Variants in SUN1 observed in about 807,000 individuals in gnomAD.
SUN1 encodes SUN domain-containing protein 1.
Under a neutral mutation model 103.2 loss-of-function variants are expected in SUN1, and 61 were observed. The ratio of observed to expected loss-of-function variants is 0.59; its 90% confidence interval spans 0.48 to 0.73. The LOEUF (loss-of-function observed/expected upper bound fraction) is 0.73. Among genes scored for constraint, SUN1 ranks in the 30% least tolerant of loss-of-function variants. The probability of loss-of-function intolerance (pLI) is 0.00; values close to 1 mark genes in which losing one functional copy is unlikely to be tolerated. For synonymous variants in SUN1, 490 were observed against 425.7 expected, an observed-to-expected ratio of 1.15 and a Z score of -1.86; for missense variants, 1,052 against 1,034.6, an observed-to-expected ratio of 1.02 and a Z score of -0.23.
intron 1 of SUN1, among the ~76,000 whole-genome samples, chr7:819,277 C>A (rs988000526): frequency 6.6e-6 from 1 of 151,784 alleles, no homozygotes; most frequent in African/African-American, 2.4e-5. Context: ...TACTTTCTCC[C>A]AGTCTTTGGA....
chr7:845,063 T>C (rs1422732025), intron 5 of SUN1, among the ~76,000 whole-genome samples: 1 of 152,218 alleles, frequency 6.6e-6, no homozygotes, highest in Non-Finnish European at 1.5e-5. Context: ...CCATACACTC[T>C]ACTATGGCAG....
In SUN1 at chr7:857,772, G is replaced by A. The variant is rs947233122; in HGVS notation, c.1395-56G>A. The A allele has an allele frequency of 6.8e-6, 10 of 1,479,466 alleles. No homozygotes were observed. In the East Asian group the frequency reaches 7.2e-5, roughly 11 times the overall value. The allele number at this position is 1,479,466 out of a possible 1,614,324, so 91.6% of individuals were successfully genotyped here. A position where few individuals can be genotyped will look rare whatever the true frequency, so the allele number is the denominator to read the frequency against. Reference sequence around the variant, plus strand: ...TTCCCCTCAGCCTGTGTGTAGTGTGGGAAGCGTATAGGCTGGGAGGCTTGT... The same window carrying A: ...TTCCCCTCAGCCTGTGTGTAGTGTGAGAAGCGTATAGGCTGGGAGGCTTGT... On this transcript the variant is annotated intron_variant, in intron 12 of 18. Coordinates refer to ENST00000401592, the MANE Select transcript of SUN1 (RefSeq NM_001130965.3).
rs536171212 is a variant in SUN1, at chr7:838,961, G to A, written c.241G>A (p.Val81Ile). The change falls in exon 2 of 19, where the codon GTC (valine) becomes ATC (isoleucine). Residue 81 changes from valine (V) to isoleucine (I), a missense_variant. Around this residue, in one of 2 missense-constraint regions of SUN1, gnomAD observed 846 missense variants for 774.5 expected, o/e 1.09. Coordinates refer to ENST00000401592, the MANE Select transcript of SUN1 (RefSeq NM_001130965.3). ...TGCCGACAGCGGCACCAGCAGCGCT[G>A]TCTCCCTGAAGAACCGAGCGGCCAG... Reference protein sequence around the residue: ...VGADSGTSSAVSLKNRAARTT... With the variant: ...VGADSGTSSAISLKNRAARTT... The A allele has an allele frequency of 3.1e-5, 50 of 1,602,204 alleles. No homozygotes were observed. The Admixed American group carries it at 5.0e-4, about 16-fold the overall frequency.
At chr7:867,564 G>C (rs556485730) in intron 16 of SUN1, among the ~76,000 whole-genome samples, 4 of 152,204 alleles carry the variant, frequency 2.6e-5, no homozygotes, top group Admixed American at 6.5e-5. Flanking sequence ...AGAGACTGAG[G>C]GAGAGGGTGG....
intron 1 of SUN1, among the ~76,000 whole-genome samples, chr7:818,230 G>C (rs1782696891): frequency 6.6e-6 from 1 of 152,188 alleles, no homozygotes; most frequent in African/African-American, 2.4e-5. Context: ...CGGCTAATCT[G>C]CTTTCTGTCT....
At chr7:861,955 C>G (rs1226083612) in intron 15 of SUN1, among the ~76,000 whole-genome samples, 1 of 152,226 alleles carries the variant, frequency 6.6e-6, no homozygotes, top group East Asian at 1.9e-4. Flanking sequence ...GGGCACAAGC[C>G]TAGGCCAGAC....
chr7:861,355 T>C, intron 14 of SUN1, 25 bp from the exon 15 acceptor site: 1 of 1,613,816 alleles, frequency 6.2e-7, no homozygotes, highest in Non-Finnish European at 8.5e-7. Context: ...TGGTGTTTGG[T>C]CTTCCGTCCC....
chr7:817,310 G>A (rs1220431469), intron 1 of SUN1: 1 of 988,592 alleles, frequency 1.0e-6, no homozygotes, highest in African/African-American at 1.6e-5. Context: ...GCCCAGGTCG[G>A]ACTCCTAGGC....
At chr7:851,681 G>A (rs554802070) in intron 6 of SUN1, 199 bp downstream of exon 6, 10 of 657,722 alleles carry the variant, frequency 1.5e-5, no homozygotes, top group Admixed American at 5.7e-5. Flanking sequence ...TTTCTCTGGG[G>A]TTGGGTCTGG....
chr7:825,119 C>T (rs1228807376), intron 1 of SUN1, among the ~76,000 whole-genome samples: 72 of 151,818 alleles, frequency 4.7e-4, no homozygotes, highest in Admixed American at 4.5e-3. Context: ...AGTGCAGTGG[C>T]ACGATCTCAG....
intron 13 of SUN1, among the ~76,000 whole-genome samples, chr7:858,481 G>C (rs748139957): frequency 6.6e-6 from 1 of 152,038 alleles, no homozygotes; most frequent in Non-Finnish European, 1.5e-5. Context: ...GCACCACTGT[G>C]CGTCAGCACC....
intron 1 of SUN1, among the ~76,000 whole-genome samples, chr7:836,492 A>C (rs772859017): frequency 1.3e-5 from 2 of 152,222 alleles, no homozygotes; most frequent in Non-Finnish European, 2.9e-5. Flanking sequence ...CAGAGGCCCA[A>C]GACCCAGGAG....
Position 873,594 on chromosome 7 carries a change from C to T in SUN1, c.*263C>T, listed in dbSNP as rs188199171. 555 of 394,608 alleles carry T rather than the reference C, an allele frequency of 1.4e-3. 3 individuals carry two copies. Among genetic ancestry groups the T allele is most frequent in the African/African-American group, 9.4e-3 (458 of 48,910 alleles). The allele number at this position is 394,608 out of a possible 1,614,324, so 24.4% of individuals were successfully genotyped here. On this transcript the variant is annotated 3_prime_UTR_variant, in exon 19 of 19. Transcript: ENST00000401592. ...GCTCTCAGACACTCCTTGTTTTTAA[C>T]GGGAAGCTCTTTGCATTTGCATTTC...
At chr7:871,038 G>T (rs56725418) in intron 17 of SUN1, among the ~76,000 whole-genome samples, 23,892 of 151,124 alleles carry the variant, frequency 0.16, 2,075 homozygotes, top group African/African-American at 0.18. Flanking sequence ...TTACAGGCGC[G>T]TGCCACCACG....
chr7:861,668 G>A (rs1251487498), intron 15 of SUN1, among the ~76,000 whole-genome samples: 2 of 152,222 alleles, frequency 1.3e-5, no homozygotes, highest in Non-Finnish European at 2.9e-5. Flanking sequence ...GTTCTCCCCT[G>A]GAAGGGCTGG....
intron 1 of SUN1, among the ~76,000 whole-genome samples, chr7:820,090 G>A (rs1008851786): frequency 1.3e-5 from 2 of 152,158 alleles, no homozygotes; most frequent in South Asian, 4.1e-4. Context: ...TTAAAGATCA[G>A]TTTTTCCATA....
intron 5 of SUN1, chr7:848,610 C>G: frequency 1.5e-6 from 2 of 1,327,802 alleles, no homozygotes; most frequent in Admixed American, 2.4e-5. Flanking sequence ...AGCCATGAAT[C>G]AAAAGGTATT....
chr7:865,468 T>G lies in SUN1; in HGVS notation c.1865-484T>G, dbSNP rs576865962. Reference sequence around the variant, plus strand: ...TCCATTGTGTATATGTACGCCATTTTCCTCATGCATTCATCTGTTAATGGA... The same window carrying G: ...TCCATTGTGTATATGTACGCCATTTGCCTCATGCATTCATCTGTTAATGGA... On this transcript the variant is annotated intron_variant, in intron 15 of 18. Transcript: ENST00000401592. 5.9e-5 allele frequency among the ~76,000 whole-genome samples: 9 copies of G among 152,352 alleles called. No individual in the cohort carries two copies. In the East Asian group the frequency reaches 1.7e-3, roughly 29 times the overall value.
chr7:834,851 G>C (rs543118115), intron 1 of SUN1, among the ~76,000 whole-genome samples: 1 of 152,300 alleles, frequency 6.6e-6, no homozygotes, highest in South Asian at 2.1e-4. Flanking sequence ...TGAGGCGGGT[G>C]GATCACTTGA....
Sources: allele counts gnomAD v4.1 joint callset (sites outside exome capture counted in the v4.1 genomes callset), GRCh38; gene constraint gnomAD v4.1.1; regional missense constraint gnomAD v4.1.1; transcripts MANE v1.5; gene names NCBI Gene and HGNC (gene_info 2026-07-23, HGNC 2026-07-21).